EPB41L4A: variants seen among roughly 807,000 people sequenced by gnomAD.
EPB41L4A encodes band 4.1-like protein 4A.
EPB41L4A carries 100 observed loss-of-function variants against 108.6 expected under a neutral mutation model. That is an observed-to-expected ratio of 0.92 (90% CI 0.78 to 1.09). The LOEUF (loss-of-function observed/expected upper bound fraction) is 1.09. EPB41L4A is among the 50% of genes least tolerant of loss of function. The pLI, the probability that EPB41L4A is intolerant of heterozygous loss-of-function variation, is 0.00. For missense variants in EPB41L4A, 1,030 were observed against 842.7 expected, an observed-to-expected ratio of 1.22 and a Z score of -2.75; for synonymous variants, 319 against 289.0, an observed-to-expected ratio of 1.10 and a Z score of -1.05.
In EPB41L4A at chr5:112,218,300, G is replaced by A. The variant is rs541023917; in HGVS notation, c.1088-8318C>T. Among the ~76,000 whole-genome samples, 41 of 152,254 alleles carry A rather than the reference G, an allele frequency of 2.7e-4. No homozygotes were observed. The East Asian group carries it at 4.8e-3, about 18-fold the overall frequency. The stretch of plus-strand genomic sequence containing the variant: ...GCACATTGTTCCTTCAAGCCCTCTT[G>A]GACCCAAAGATAACACCTATCTATG... On this transcript the variant is annotated intron_variant, in intron 12 of 22. Transcript: ENST00000261486.
chr5:112,374,777 G>A (rs1186964280), intron 1 of EPB41L4A, among the ~76,000 whole-genome samples: 2 of 152,172 alleles, frequency 1.3e-5, no homozygotes, highest in Non-Finnish European at 2.9e-5. Context: ...GGGGTCAGAA[G>A]GTAATTTAAA....
Position 112,169,036 on chromosome 5 carries a change from G to A in EPB41L4A, c.1809C>T (p.Ser603=). The A allele has an allele frequency of 6.2e-7, 1 of 1,614,104 alleles. No individual in the cohort carries two copies. Among genetic ancestry groups the A allele is most frequent in the Non-Finnish European group, 8.5e-7 (1 of 1,179,990 alleles). Reference sequence around the variant, plus strand: ...CTGATCGCTCCCCATCTGAACACTGGGACCTGCGATACTGGCGGTAACTTC... The same window carrying A: ...CTGATCGCTCCCCATCTGAACACTGAGACCTGCGATACTGGCGGTAACTTC... The part of the protein sequence containing the change: ...SPRSYRQYRR[S]QCSDGERSVL... The change falls in exon 21 of 23, where the codon TCC becomes TCT. Residue 603 remains serine (S), a synonymous_variant. Transcript: ENST00000261486.
chr5:112,166,149 A>G (rs780051999), intron 22 of EPB41L4A, among the ~76,000 whole-genome samples: 3 of 152,250 alleles, frequency 2.0e-5, no homozygotes, highest in Non-Finnish European at 2.9e-5. Flanking sequence ...TTAAGTTGCT[A>G]TTCTTCCCCA....
In EPB41L4A at chr5:112,164,822, A is replaced by G. The variant is rs2150187040; in HGVS notation, c.*168T>C. ...GCACTCCAGCCTGGGCGACAGAGTGATAACATCTCAAAAAAAAAAAAAAAA... is the reference window on the plus strand; with the variant it reads ...GCACTCCAGCCTGGGCGACAGAGTGGTAACATCTCAAAAAAAAAAAAAAAA... On this transcript the variant is annotated 3_prime_UTR_variant, in exon 23 of 23. Coordinates refer to ENST00000261486, the MANE Select transcript of EPB41L4A (RefSeq NM_022140.5). 1.4e-6 allele frequency: 1 copy of G among 692,450 alleles called. No individual in the cohort carries two copies. Among genetic ancestry groups the G allele is most frequent in the Non-Finnish European group, 2.2e-6 (1 of 458,680 alleles). The allele number at this position is 692,450 out of a possible 1,614,324, so 42.9% of individuals were successfully genotyped here.
chr5:112,228,776 T>C, intron 12 of EPB41L4A: 4 of 984,712 alleles, frequency 4.1e-6, no homozygotes, highest in Non-Finnish European at 4.8e-6. Context: ...TGCCGTCCCT[T>C]TTCTGGCTTT....
intron 17 of EPB41L4A, chr5:112,192,015 G>A (rs1452934248): frequency 6.6e-6 from 1 of 152,206 alleles, no homozygotes; most frequent in Non-Finnish European, 1.5e-5. Flanking sequence ...CCGGAGTGCT[G>A]TAGTAAAAGC....
At chr5:112,203,644 T>C (rs1207094186) in intron 15 of EPB41L4A, among the ~76,000 whole-genome samples, 1 of 152,192 alleles carries the variant, frequency 6.6e-6, no homozygotes, top group African/African-American at 2.4e-5. Context: ...ACAGGATTCA[T>C]TTTTTTCTGT....
intron 9 of EPB41L4A, among the ~76,000 whole-genome samples, chr5:112,247,946 T>C (rs1174262798): frequency 6.6e-6 from 1 of 152,150 alleles, no homozygotes; most frequent in Non-Finnish European, 1.5e-5. Context: ...ATAAAAGATA[T>C]TTCAAATCCA....
intron 1 of EPB41L4A, among the ~76,000 whole-genome samples, chr5:112,411,834 A>G (rs901279545): frequency 1.3e-5 from 2 of 152,214 alleles, no homozygotes; most frequent in African/African-American, 4.8e-5. Context: ...ACAAGTCGCA[A>G]TTAAGGCAGC....
intron 9 of EPB41L4A, chr5:112,249,278 A>G (rs1750473110): frequency 6.6e-6 from 1 of 152,150 alleles, no homozygotes; most frequent in African/African-American, 2.4e-5. Flanking sequence ...ATTAACTCGC[A>G]ATCATTAACT....
rs1760062191 is a variant in EPB41L4A at position 112,163,776 on chromosome 5, T to C, written c.*1214A>G. ...GGGTTTGTGGTTGTGAAAGATAGTT[T>C]TGTTTAATCTTAGTCTTAAATTTAA... On this transcript the variant is annotated 3_prime_UTR_variant, in exon 23 of 23. Transcript: ENST00000261486. 6.6e-6 allele frequency: 1 copy of C among 152,194 alleles called. No individual in the cohort carries two copies. Among genetic ancestry groups the C allele is most frequent in the Admixed American group, 6.5e-5 (1 of 15,284 alleles). 9.4% of individuals were successfully genotyped at this position (152,194 alleles called of 1,614,324 possible). A position where few individuals can be genotyped will look rare whatever the true frequency, so the allele number is the denominator to read the frequency against.
intron 3 of EPB41L4A, among the ~76,000 whole-genome samples, chr5:112,276,976 C>G (rs1251794396): frequency 6.6e-6 from 1 of 152,130 alleles, no homozygotes; most frequent in African/African-American, 2.4e-5. Context: ...GGAGTTGATT[C>G]CTTATGTTTA....
rs75546061 is a variant in EPB41L4A, at chr5:112,302,687, A to T, written c.204+4699T>A. Reference sequence around the variant, plus strand: ...TGTGGTTTGAACCCATACAGTCTGAATCCAGATTTTGAATTTTAACACAGT... The same window carrying T: ...TGTGGTTTGAACCCATACAGTCTGATTCCAGATTTTGAATTTTAACACAGT... On this transcript the variant is annotated intron_variant, in intron 2 of 22. Coordinates refer to ENST00000261486, the MANE Select transcript of EPB41L4A (RefSeq NM_022140.5). Among the ~76,000 whole-genome samples, 899 of 152,308 alleles carry T rather than the reference A, an allele frequency of 5.9e-3. 1 individual carries two copies. Among genetic ancestry groups the T allele is most frequent in the Non-Finnish European group, 9.7e-3 (657 of 68,016 alleles).
intron 12 of EPB41L4A, among the ~76,000 whole-genome samples, chr5:112,146,951 T>C (rs1352628099): frequency 1.3e-5 from 2 of 152,182 alleles, no homozygotes. Context: ...AAAACAAGTA[T>C]GAAAAATATA....
chr5:112,346,729 T>C (rs1757702168), intron 1 of EPB41L4A, among the ~76,000 whole-genome samples: 1 of 152,238 alleles, frequency 6.6e-6, no homozygotes, highest in South Asian at 2.1e-4. Context: ...TTTGTAATGT[T>C]GTTTTATAGT....
At chr5:112,206,265 C>T (rs1561474785) in intron 13 of EPB41L4A, among the ~76,000 whole-genome samples, 1 of 151,768 alleles carries the variant, frequency 6.6e-6, no homozygotes, top group East Asian at 1.9e-4. Flanking sequence ...TTAACCCTGG[C>T]TTTTTGAGGA....
downstream of EPB41L4A, chr5:112,161,843 C>T (rs75565668): frequency 1.9e-3 from 565 of 291,846 alleles, 15 homozygotes; most frequent in East Asian, 0.047. Flanking sequence ...GGGGTTCCTT[C>T]TCTAGTGAGT....
At chr5:112,280,661 G>A (rs1916994) in intron 2 of EPB41L4A, among the ~76,000 whole-genome samples, 2 of 152,078 alleles carry the variant, frequency 1.3e-5, no homozygotes, top group Non-Finnish European at 2.9e-5. Context: ...AATACAAAGA[G>A]AAAGATGATG....
At chr5:112,230,215 T>A (rs1048481210) in intron 12 of EPB41L4A, among the ~76,000 whole-genome samples, 1 of 152,180 alleles carries the variant, frequency 6.6e-6, no homozygotes, top group African/African-American at 2.4e-5. Context: ...CTTTCTTATA[T>A]AATGACTTCT....
Sources: allele counts gnomAD v4.1 joint callset (sites outside exome capture counted in the v4.1 genomes callset), GRCh38; gene constraint gnomAD v4.1.1; transcripts MANE v1.5; gene names NCBI Gene and HGNC (gene_info 2026-07-23, HGNC 2026-07-21).